The following OCA2 variants were observed in gnomAD, a reference collection of about 807,000 sequenced individuals.
OCA2 encodes the protein P protein.
In OCA2, 77 loss-of-function variants were observed where a neutral mutation model predicts 100.2. The ratio of observed to expected loss-of-function variants is 0.77; its 90% CI spans 0.64 to 0.93. The LOEUF (loss-of-function observed/expected upper bound fraction) is 0.93. Among genes scored for constraint, OCA2 ranks in the 40% least tolerant of loss-of-function variants. The pLI, the probability that OCA2 is intolerant of heterozygous loss-of-function variation, is 0.00. For missense variants in OCA2, 1,062 were observed against 1,089.1 expected (o/e 0.98, Z 0.35); for synonymous variants, 432 against 439.2 (o/e 0.98, Z 0.21).
chr15:27,905,203 G>A (rs1394933648), intron 19 of OCA2, among the ~76,000 whole-genome samples: 2 of 150,768 alleles, frequency 1.3e-5, no homozygotes. Context: ...GACAGCTGAG[G>A]ACAATGGCAG....
intron 23 of OCA2, among the ~76,000 whole-genome samples, chr15:27,808,325 C>A (rs1457700957): frequency 6.6e-6 from 1 of 152,212 alleles, no homozygotes; most frequent in Non-Finnish European, 1.5e-5. Context: ...CCTGAGCTGG[C>A]CATGGGGCAG....
At chr15:27,824,602 C>CTCTCTCTCTCTCTCTTTCTCTCTA in intron 23 of OCA2, among the ~76,000 whole-genome samples, 1 of 47,610 alleles carries the variant, frequency 2.1e-5, no homozygotes, top group Non-Finnish European at 3.1e-5. Context: ...CTCTCTCTCT[C>CTCTCTCTCTCTCTCTTTCTCTCTA]TATATATATA....
intron 23 of OCA2, among the ~76,000 whole-genome samples, chr15:27,796,782 G>A (rs1033041223): frequency 1.3e-5 from 2 of 152,142 alleles, no homozygotes; most frequent in Admixed American, 6.5e-5. Context: ...AAAACTATAC[G>A]GAAAAATCTG....
chr15:27,800,897 G>A (rs2033572333), intron 23 of OCA2, among the ~76,000 whole-genome samples: 2 of 146,092 alleles, frequency 1.4e-5, no homozygotes, highest in Admixed American at 1.4e-4. Flanking sequence ...GAGGCTGGGA[G>A]GTCCAGGCTG....
At chr15:27,985,231 G>A (rs1350935703) in intron 12 of OCA2, 43 bp from the exon 13 acceptor site, 2 of 1,611,538 alleles carry the variant, frequency 1.2e-6, no homozygotes, top group Non-Finnish European at 1.7e-6. Flanking sequence ...AGAGTGAGCA[G>A]GCTCGTAGAA....
chr15:28,084,921 T>C (rs1009330415), intron 1 of OCA2, among the ~76,000 whole-genome samples: 1 of 152,196 alleles, frequency 6.6e-6, no homozygotes, highest in African/African-American at 2.4e-5. Context: ...TATAGGCTAT[T>C]ACGTGTCAGG....
At chr15:27,893,089 C>T (rs1249402086) in intron 19 of OCA2, among the ~76,000 whole-genome samples, 1 of 152,174 alleles carries the variant, frequency 6.6e-6, no homozygotes, top group Non-Finnish European at 1.5e-5. Context: ...AAAAAAGATT[C>T]CAGACTCCTG....
At chr15:27,922,675 T>G (rs1396443956) in intron 19 of OCA2, among the ~76,000 whole-genome samples, 1 of 142,390 alleles carries the variant, frequency 7.0e-6, no homozygotes, top group Non-Finnish European at 1.5e-5. Flanking sequence ...TGGTTTTTTG[T>G]TTGGGGTGTG....
chr15:27,890,950 G>A (rs1305404868), intron 19 of OCA2, among the ~76,000 whole-genome samples: 1 of 151,990 alleles, frequency 6.6e-6, no homozygotes, highest in Non-Finnish European at 1.5e-5. Context: ...ACTTGAACCT[G>A]GGAGGCAGAG....
chr15:28,068,872 C>G (rs2044106178), intron 2 of OCA2, among the ~76,000 whole-genome samples: 1 of 152,120 alleles, frequency 6.6e-6, no homozygotes, highest in South Asian at 2.1e-4. Context: ...GCAGAAAAAG[C>G]TTTAGATAAA....
chr15:28,001,379 G>A (rs2141113190), intron 9 of OCA2, among the ~76,000 whole-genome samples: 1 of 152,264 alleles, frequency 6.6e-6, no homozygotes, highest in African/African-American at 2.4e-5. Context: ...AAATAAGTGA[G>A]ACAGAAAGAC....
chr15:27,995,810 A>T (rs1007707221), intron 9 of OCA2, among the ~76,000 whole-genome samples: 7 of 149,586 alleles, frequency 4.7e-5, no homozygotes, highest in African/African-American at 1.8e-4. Flanking sequence ...AAATTAAGCA[A>T]CACTTTTTTT....
chr15:27,797,497 G>A (rs866495018), intron 23 of OCA2, among the ~76,000 whole-genome samples: 5 of 152,098 alleles, frequency 3.3e-5, no homozygotes, highest in East Asian at 3.9e-4. Context: ...GTTCATGGGC[G>A]GCAGGCGTGT....
intron 18 of OCA2, among the ~76,000 whole-genome samples, chr15:27,931,258 T>C (rs1305753061): frequency 6.6e-6 from 1 of 152,236 alleles, no homozygotes; most frequent in Non-Finnish European, 1.5e-5. Context: ...ATTACCTGGA[T>C]GGATAACGTA....
At chr15:27,967,462 G>C (rs1301641273) in intron 14 of OCA2, among the ~76,000 whole-genome samples, 2 of 152,160 alleles carry the variant, frequency 1.3e-5, no homozygotes, top group Non-Finnish European at 1.5e-5. Flanking sequence ...CCACTAGATT[G>C]ATGCCTTCCC....
At chr15:28,083,280 C>G (rs934254308) in intron 1 of OCA2, among the ~76,000 whole-genome samples, 2 of 152,240 alleles carry the variant, frequency 1.3e-5, no homozygotes, top group Non-Finnish European at 2.9e-5. Context: ...CGCACACTTC[C>G]TGGTGGAGCC....
intron 23 of OCA2, among the ~76,000 whole-genome samples, chr15:27,810,161 T>A (rs2034016337): frequency 6.6e-6 from 1 of 152,170 alleles, no homozygotes; most frequent in Non-Finnish European, 1.5e-5. Context: ...GGTACTGGTA[T>A]AAAAGTAGGC....
At chr15:27,983,745 T>A (rs2041249646) in intron 13 of OCA2, among the ~76,000 whole-genome samples, 2 of 151,812 alleles carry the variant, frequency 1.3e-5, no homozygotes, top group African/African-American at 4.8e-5. Flanking sequence ...CTTTCCCCAA[T>A]GCTCCCAGGT....
chr15:28,095,588 G>A (rs1031914912), intron 1 of OCA2, among the ~76,000 whole-genome samples: 1 of 151,858 alleles, frequency 6.6e-6, no homozygotes, highest in East Asian at 1.9e-4. Context: ...GTGGTGGCGC[G>A]TGCCTGTAAT....
Sources: gnomAD v4.1 joint callset for allele counts (sites outside exome capture counted in the v4.1 genomes callset) on GRCh38, gnomAD v4.1.1 for gene constraint, MANE v1.5 for transcripts, NCBI Gene and HGNC (gene_info 2026-07-23, HGNC 2026-07-21) for gene names.